MTMR3: variants seen among roughly 807,000 people sequenced by gnomAD.
The protein encoded by MTMR3 is phosphatidylinositol-3,5-bisphosphate 3-phosphatase MTMR3.
In MTMR3, 32 loss-of-function variants were observed where a neutral mutation model predicts 132.4. That is an observed-to-expected ratio of 0.24 (90% CI 0.18 to 0.32). The LOEUF (loss-of-function observed/expected upper bound fraction) is 0.32. MTMR3 is among the 10% of genes least tolerant of loss of function. MTMR3 has a pLI of 1.00. For synonymous variants in MTMR3, 556 were observed against 550.3 expected (o/e 1.01, Z -0.14); for missense variants, 1,216 against 1,489.6 (o/e 0.82, Z 3.02).
At position 30,019,915 on chromosome 22, in the gene MTMR3, C is replaced by G; in HGVS notation, c.2256C>G (p.Ser752Arg). ...DPELGDAALR[S>R]HLDMSWPLFS... ...AACTGGGTGATGCTGCTCTGAGGAG[C>G]CATCTGGATATGAGCTGGCCTCTGT... The change falls in exon 17 of 20, where the codon AGC becomes AGG. Residue 752 changes from serine to arginine, a missense_variant. Ser to Arg is a moderately radical substitution (Grantham distance 110, BLOSUM62 -1). Transcript: ENST00000401950. The G allele has an allele frequency of 1.2e-6, 2 of 1,614,174 alleles. No individual in the cohort carries two copies. Among genetic ancestry groups the G allele is most frequent in the Non-Finnish European group, 1.7e-6 (2 of 1,180,014 alleles).
intron 3 of MTMR3, among the ~76,000 whole-genome samples, chr22:29,977,232 C>T (rs2066646700): frequency 6.6e-6 from 1 of 152,094 alleles, no homozygotes. Context: ...TTGGAGGTTA[C>T]AATTAGCTGT....
intron 1 of MTMR3, among the ~76,000 whole-genome samples, chr22:29,896,869 T>TCACACACACACACACACACACA (rs61038012): frequency 0.012 from 1,634 of 138,144 alleles, 12 homozygotes; most frequent in South Asian, 0.014. Flanking sequence ...CAGGCTTGTC[T>TCACACACACACACACACACACA]CACACACACA....
At position 30,012,440 on chromosome 22, in the gene MTMR3, A is replaced by G. The variant is rs777840910; in HGVS notation, c.1194A>G (p.Val398=). The change falls in exon 13 of 20, where the codon GTA becomes GTG. Residue 398 remains valine (V), a synonymous_variant. Transcript: ENST00000401950. ...LSVLLKSALL[V]VHAVDQDQRP... Reference sequence around the variant, plus strand: ...TGCTTCTGAAATCAGCGCTTCTGGTAGTGCATGCTGTGGATCAGGATCAGC... The same window carrying G: ...TGCTTCTGAAATCAGCGCTTCTGGTGGTGCATGCTGTGGATCAGGATCAGC... 5 of 1,614,194 alleles carry G rather than the reference A, an allele frequency of 3.1e-6. No individual in the cohort carries two copies. Among genetic ancestry groups the G allele is most frequent in the Non-Finnish European group, 4.2e-6 (5 of 1,180,030 alleles).
chr22:29,988,893 G>C (rs779166725), intron 6 of MTMR3: 1 of 158,694 alleles, frequency 6.3e-6, no homozygotes, highest in African/African-American at 2.4e-5. Flanking sequence ...GTGTGTGTAT[G>C]TGTGTGTGTG....
intron 1 of MTMR3, among the ~76,000 whole-genome samples, chr22:29,953,113 G>A (rs1475912435): frequency 1.6e-4 from 25 of 152,154 alleles, no homozygotes; most frequent in Non-Finnish European, 1.5e-5. Flanking sequence ...TGAAAAGATT[G>A]TTTTAAAATT....
At chr22:30,019,244 T>G in intron 16 of MTMR3, 1 of 460,910 alleles carries the variant, frequency 2.2e-6, no homozygotes, top group Non-Finnish European at 3.8e-6. Flanking sequence ...TGTTAGCTCA[T>G]TTGTATGTAT....
At chr22:30,025,375 G>C (rs1280071293) in intron 19 of MTMR3, 1 of 528,744 alleles carries the variant, frequency 1.9e-6, no homozygotes, top group African/African-American at 1.9e-5. Context: ...TTGTATACCT[G>C]AGCAGCATTC....
intron 1 of MTMR3, among the ~76,000 whole-genome samples, chr22:29,940,902 C>T (rs1681622498): frequency 1.3e-5 from 2 of 150,018 alleles, no homozygotes; most frequent in Admixed American, 6.6e-5. Context: ...ATATGCATTC[C>T]TTCAGAAAAA....
chr22:29,925,535 C>A (rs1332700982), intron 1 of MTMR3, among the ~76,000 whole-genome samples: 1 of 149,858 alleles, frequency 6.7e-6, no homozygotes, highest in African/African-American at 2.5e-5. Context: ...AAAAATAATA[C>A]CTACCTTTTT....
In MTMR3 at chr22:30,025,744, C is replaced by T; in HGVS notation, c.3540C>T (p.Pro1180=). ...VCKSCYSSLH[P]TSSSIDLELD... is the part of the protein sequence containing the mutation. ...AGTCTTGCTATAGCAGCCTACATCC[C>T]ACAAGCTCCAGCATTGACCTTGAAC... The change falls in exon 20 of 20, where the codon CCC becomes CCT. Residue 1180 remains proline (P), a synonymous_variant. Coordinates refer to ENST00000401950, the MANE Select transcript of MTMR3 (RefSeq NM_021090.4). 1 of 1,614,200 alleles carries T rather than the reference C, an allele frequency of 6.2e-7. No homozygotes were observed. Among genetic ancestry groups the T allele is most frequent in the Non-Finnish European group, 8.5e-7 (1 of 1,180,026 alleles).
At chr22:29,918,202 A>G (rs1425160046) in intron 1 of MTMR3, among the ~76,000 whole-genome samples, 1 of 152,204 alleles carries the variant, frequency 6.6e-6, no homozygotes, top group Non-Finnish European at 1.5e-5. Flanking sequence ...GTTGAGGGGC[A>G]TCATCTGTAC....
intron 2 of MTMR3, among the ~76,000 whole-genome samples, chr22:29,962,209 C>T (rs748748907): frequency 6.6e-6 from 1 of 152,180 alleles, no homozygotes; most frequent in Non-Finnish European, 1.5e-5. Context: ...AAGCGAACTT[C>T]TGCTTACCAA....
chr22:30,018,176 C>T lies in MTMR3; in HGVS notation c.1820+104C>T, dbSNP rs1056948746. The T allele has an allele frequency of 5.5e-6, 7 of 1,269,274 alleles. No homozygotes were observed. In the Admixed American group the frequency reaches 1.4e-4, roughly 25 times the overall value. 78.6% of individuals were successfully genotyped at this position (1,269,274 alleles called of 1,614,324 possible). A position where few individuals can be genotyped will look rare whatever the true frequency, so the allele number is the denominator to read the frequency against. The stretch of plus-strand genomic sequence containing the variant: ...GAGATCATGATGGTATCTGGCTCCA[C>T]AGTATCTTTCTTAGGTCTCTGCAGT... On this transcript the variant is annotated intron_variant, in intron 16 of 19. Coordinates refer to ENST00000401950, the MANE Select transcript of MTMR3 (RefSeq NM_021090.4).
At chr22:29,977,651 A>ACT (rs1306891196) in intron 3 of MTMR3, among the ~76,000 whole-genome samples, 1 of 152,002 alleles carries the variant, frequency 6.6e-6, no homozygotes, top group Non-Finnish European at 1.5e-5. Context: ...GAGATAATGA[A>ACT]CTCTCACCCA....
rs773899220 is a variant in MTMR3, at chr22:30,019,646, GCCGACAGCCTAGGGAAGC to G, written c.1990_2007del (p.Asp664_Pro669del). ...TGGCCCTGGAGAGGATCCCCTTTCTGCCGACAGCCTAGGGAAGCCCACCAGAGTGCCGGGGGGTGCCGA... is the reference window on the plus strand; with the variant it reads ...TGGCCCTGGAGAGGATCCCCTTTCTGCCACCAGAGTGCCGGGGGGTGCCGA... On this transcript the variant is annotated inframe_deletion, in exon 17 of 20. Coordinates refer to ENST00000401950, the MANE Select transcript of MTMR3 (RefSeq NM_021090.4). 1.2e-6 allele frequency: 2 copies of G among 1,614,182 alleles called. No individual in the cohort carries two copies. The highest frequency in any genetic ancestry group is 2.2e-5 in the South Asian group (2 of 91,080).
rs1569056043 is a variant in MTMR3 at position 30,022,021 on chromosome 22, GC to G, written c.3226-6del. On this transcript the variant is annotated splice_polypyrimidine_tract_variant and splice_region_variant and intron_variant, in intron 17 of 19. Coordinates refer to ENST00000401950, the MANE Select transcript of MTMR3 (RefSeq NM_021090.4). ...TCATTCTGTTCAGCTGTGTTTGTTT[GC>G]CAACAGACTTCAATCCCCGACTCGG... The G allele has an allele frequency of 6.2e-7, 1 of 1,606,304 alleles. No individual in the cohort carries two copies. The highest frequency in any genetic ancestry group is 8.5e-7 in the Non-Finnish European group (1 of 1,172,896).
intron 1 of MTMR3, among the ~76,000 whole-genome samples, chr22:29,918,487 C>G (rs575844137): frequency 6.6e-6 from 1 of 152,144 alleles, no homozygotes; most frequent in East Asian, 1.9e-4. Context: ...TGCCGTTTTC[C>G]TTTGTGAGAC....
At chr22:29,951,692 A>G (rs187225349) in intron 1 of MTMR3, among the ~76,000 whole-genome samples, 9 of 152,290 alleles carry the variant, frequency 5.9e-5, no homozygotes, top group African/African-American at 2.2e-4. Flanking sequence ...TGAAGAATGT[A>G]TTTAGAACCT....
intron 8 of MTMR3, chr22:30,002,655 A>G (rs2067199478): frequency 4.3e-6 from 2 of 465,052 alleles, no homozygotes; most frequent in East Asian, 3.3e-5. Context: ...TTGTATACAC[A>G]TAAGTAAACA....
Sources: gnomAD v4.1 joint callset for allele counts (sites outside exome capture counted in the v4.1 genomes callset) on GRCh38, gnomAD v4.1.1 for gene constraint, MANE v1.5 for transcripts, NCBI Gene and HGNC (gene_info 2026-07-23, HGNC 2026-07-21) for gene names.